Variants in LTF observed in about 807,000 individuals in gnomAD.
LTF encodes lactotransferrin, also known as epididymis luminal protein 110.
Under a neutral mutation model 87.2 loss-of-function variants are expected in LTF, and 91 were observed. The ratio of observed to expected loss-of-function variants is 1.04; its 90% CI spans 0.88 to 1.24. The LOEUF is 1.24. Ranked by LOEUF, LTF falls within the 50% of genes most tolerant of loss-of-function variation. The probability of loss-of-function intolerance (pLI) is 0.00; values close to 1 mark genes in which losing one functional copy is unlikely to be tolerated. For missense variants in LTF, 901 were observed against 904.3 expected (o/e 1.00, Z 0.05); for synonymous variants, 378 against 356.1 (o/e 1.06, Z -0.69).
Position 46,445,283 on chromosome 3 carries a change from A to G in LTF, c.1511T>C (p.Phe504Ser). 6.2e-7 allele frequency: 1 copy of G among 1,606,894 alleles called. No homozygotes were observed. Among genetic ancestry groups the G allele is most frequent in the Non-Finnish European group, 8.5e-7 (1 of 1,176,204 alleles). Residue 504 changes from phenylalanine (F) to serine (S), a missense_variant and splice_region_variant, in exon 12 of 17, where the codon TTT becomes TCT. Coordinates refer to ENST00000231751, the MANE Select transcript of LTF (RefSeq NM_002343.6). ...ACCGCACCTTTGGAACTCCTTACCA[A>G]ATTTGCAGGAGCCCGTCTGGTTGAA... ...LLFNQTGSCK[F>S]DEYFSQSCAP...
chr3:46,440,632 A>T (rs138722337), intron 14 of LTF, among the ~76,000 whole-genome samples: 54 of 152,314 alleles, frequency 3.5e-4, no homozygotes, highest in Middle Eastern at 6.8e-3. Context: ...TTTCAAATTT[A>T]CATGTCTTGT....
intron 1 of LTF, among the ~76,000 whole-genome samples, chr3:46,461,122 T>C (rs1703070648): frequency 6.6e-6 from 1 of 152,212 alleles, no homozygotes; most frequent in African/African-American, 2.4e-5. Context: ...TCACAGCCAC[T>C]GAACAGGTTA....
chr3:46,460,613 T>C (rs1188210279), intron 1 of LTF: 4 of 454,842 alleles, frequency 8.8e-6, no homozygotes, highest in Non-Finnish European at 1.8e-5. Context: ...ATGAACATCA[T>C]ACTAAAATGG....
At chr3:46,456,241 G>C in intron 3 of LTF, 49 bp downstream of exon 3, 1 of 1,474,026 alleles carries the variant, frequency 6.8e-7, no homozygotes, top group South Asian at 1.1e-5. Flanking sequence ...CACAGCTCAG[G>C]GCACAGGCTG....
intron 1 of LTF, among the ~76,000 whole-genome samples, chr3:46,477,841 T>G (rs1439341917): frequency 6.6e-6 from 1 of 152,208 alleles, no homozygotes; most frequent in Non-Finnish European, 1.5e-5. Context: ...CCAGAACCTA[T>G]GCAGAGTCCT....
chr3:46,465,311 T>C (rs1396276273), upstream of LTF: 1 of 181,866 alleles, frequency 5.5e-6, no homozygotes, highest in Non-Finnish European at 1.1e-5. Context: ...TAGGAGCCAG[T>C]TAGGGCAGGT....
chr3:46,471,851 T>G (rs1215935974), intron 1 of LTF, among the ~76,000 whole-genome samples: 1 of 151,914 alleles, frequency 6.6e-6, no homozygotes, highest in Non-Finnish European at 1.5e-5. Context: ...ACCGGGAGAG[T>G]ATCAGGGCAG....
In LTF at chr3:46,438,092, T is replaced by G; in HGVS notation, c.1946A>C (p.Lys649Thr). 1 of 1,614,076 alleles carries G rather than the reference T, an allele frequency of 6.2e-7. No homozygotes were observed. Among genetic ancestry groups the G allele is most frequent in the Admixed American group, 1.7e-5 (1 of 59,982 alleles). Residue 649 changes from lysine to threonine, a missense_variant, in exon 16 of 17, where the codon AAG becomes ACG. Coordinates refer to ENST00000231751, the MANE Select transcript of LTF (RefSeq NM_002343.6). The stretch of plus-strand genomic sequence containing the variant: ...GGTTTCAGACTGGAATAAGCAAAAC[T>G]TGTCCGGGCAGTCAGATCCATTTCT... ...FGRNGSDCPD[K>T]FCLFQSETKN... is the part of the protein sequence containing the mutation.
intron 6 of LTF, among the ~76,000 whole-genome samples, chr3:46,453,678 T>G (rs1321956158): frequency 6.6e-6 from 1 of 152,196 alleles, no homozygotes; most frequent in Non-Finnish European, 1.5e-5. Context: ...CTGGGTGCAG[T>G]GTGTTTAGCC....
At chr3:46,437,166 C>A in intron 16 of LTF, among the ~76,000 whole-genome samples, 1 of 152,272 alleles carries the variant, frequency 6.6e-6, no homozygotes, top group South Asian at 2.1e-4. Flanking sequence ...TCACCGGGAG[C>A]CTTACAATAC....
chr3:46,484,680 C>A (rs1302081190), intron 1 of LTF, among the ~76,000 whole-genome samples: 1 of 152,158 alleles, frequency 6.6e-6, no homozygotes, highest in Non-Finnish European at 1.5e-5. Context: ...CTTGATGAAG[C>A]AAGAACATTA....
chr3:46,464,906 G>A (rs772751901), upstream of LTF: 2 of 1,607,236 alleles, frequency 1.2e-6, no homozygotes, highest in African/African-American at 1.3e-5. Context: ...CGAAGGCTCT[G>A]CCACTTGCGC....
intron 2 of LTF, 23 bp downstream of exon 2, chr3:46,459,633 A>G (rs770633996): frequency 1.6e-5 from 23 of 1,404,776 alleles, no homozygotes; most frequent in Non-Finnish European, 2.0e-5. Context: ...CTTGGTCCCA[A>G]CCAACACCCG....
At chr3:46,466,494 G>A (rs1013091646), upstream of LTF, among the ~76,000 whole-genome samples, 8 of 152,220 alleles carry the variant, frequency 5.3e-5, no homozygotes, top group Non-Finnish European at 1.2e-4. Flanking sequence ...ACCTAGCCAT[G>A]GAGAAGCAGG....
At chr3:46,482,773 GAAAGAA>G (rs1703466437) in intron 1 of LTF, among the ~76,000 whole-genome samples, 1 of 121,904 alleles carries the variant, frequency 8.2e-6, no homozygotes, top group African/African-American at 3.0e-5. Flanking sequence ...AAGAAAGAAA[GAAAGAA>G]AAAGAAAGAA....
In LTF at chr3:46,446,467, G is replaced by T; in HGVS notation, c.1330C>A (p.Pro444Thr). 6.2e-7 allele frequency: 1 copy of T among 1,613,856 alleles called. No homozygotes were observed. Among genetic ancestry groups the T allele is most frequent in the African/African-American group, 1.3e-5 (1 of 75,010 alleles). ...YKSQQSSDPD[P>T]NCVDRPVEGY... ...TCCACAGGTCTATCCACACAGTTAG[G>T]ATCAGGGTCACTGCTTTGTTGGGAT... Residue 444 changes from proline (P) to threonine (T), a missense_variant, in exon 11 of 17, where the codon CCT (proline) becomes ACT (threonine). Physicochemically the swap from Pro to Thr is conservative, Grantham distance 38. Transcript: ENST00000231751.
At chr3:46,444,426 A>G (rs1489382267) in intron 12 of LTF, among the ~76,000 whole-genome samples, 2 of 151,742 alleles carry the variant, frequency 1.3e-5, no homozygotes, top group Non-Finnish European at 2.9e-5. Flanking sequence ...GTGTGATTTA[A>G]CCCAAGAAAG....
chr3:46,435,799 C>G lies in LTF; in HGVS notation c.*396G>C, dbSNP rs986846911. On this transcript the variant is annotated 3_prime_UTR_variant, in exon 17 of 17. Coordinates refer to ENST00000231751, the MANE Select transcript of LTF (RefSeq NM_002343.6). The stretch of plus-strand genomic sequence containing the variant: ...CATACATGCACGTGCACTGAGACAG[C>G]TATGTGAATAACCAACAAGATCCCC... 1 of 265,650 alleles carries G rather than the reference C, an allele frequency of 3.8e-6. No homozygotes were observed. Among genetic ancestry groups the G allele is most frequent in the African/African-American group, 2.3e-5 (1 of 44,196 alleles). 16.5% of individuals were successfully genotyped at this position (265,650 alleles called of 1,614,324 possible).
rs1260614706 is a variant in LTF, at chr3:46,436,209, A to T, written c.2119T>A (p.Phe707Ile). ...STSPLLEACE[F>I]LRK ...CTTCTTCGGTTTTACTTCCTGAGGA[A>T]TTCACAGGCTTCCAGGAGGGCTGTG... The change falls in exon 17 of 17, where the codon TTC becomes ATC. Residue 707 changes from phenylalanine (F) to isoleucine (I), a missense_variant. By Grantham distance (21) the Phe-to-Ile change is conservative (BLOSUM62 0). Transcript: ENST00000231751. The T allele has an allele frequency of 6.2e-7, 1 of 1,614,190 alleles. No homozygotes were observed. Among genetic ancestry groups the T allele is most frequent in the South Asian group, 1.1e-5 (1 of 91,084 alleles).
Sources: allele counts gnomAD v4.1 joint callset (sites outside exome capture counted in the v4.1 genomes callset), GRCh38; gene constraint gnomAD v4.1.1; transcripts MANE v1.5; gene names NCBI Gene and HGNC (gene_info 2026-07-23, HGNC 2026-07-21).